The following ANK1 variants were observed in gnomAD, a reference collection of about 807,000 sequenced individuals.
ANK1 encodes the protein ankyrin-1.
In ANK1, 51 loss-of-function variants were observed where a neutral mutation model predicts 210.4. The observed-to-expected ratio is 0.24, with a 90% CI of 0.19 to 0.31. ANK1 has a LOEUF of 0.31. Among genes scored for constraint, ANK1 ranks in the 10% least tolerant of loss-of-function variants. The pLI is 1.00. For missense variants in ANK1, 2,051 were observed against 2,504.4 expected (o/e 0.82, Z 3.86); for synonymous variants, 967 against 1,025.9 (o/e 0.94, Z 1.10).
chr8:41,856,874 C>CTTTTTTTT lies in ANK1; in HGVS notation c.126+39473_126+39480dup, dbSNP rs35341809. Among the ~76,000 whole-genome samples, 35 of 95,272 alleles carry CTTTTTTTT rather than the reference C, an allele frequency of 3.7e-4. 1 individual carries two copies. The highest frequency in any genetic ancestry group is 1.6e-3 in the African/African-American group (34 of 20,834). 62.5% of individuals were successfully genotyped at this position (95,272 alleles called of 152,430 possible). Reference sequence around the variant, plus strand: ...TTTCGCCTTGGTGCTTAACAGCCCTCTTTTTTTTTTTTTTTTTTTTTTTTT... The same window carrying CTTTTTTTT: ...TTTCGCCTTGGTGCTTAACAGCCCTCTTTTTTTTTTTTTTTTTTTTTTTTTTTTTTTTT... On this transcript the variant is annotated intron_variant, in intron 1 of 42. Coordinates refer to the ANK1 transcript ENST00000265709.
At chr8:41,752,119 G>T (rs1586699688) in intron 2 of ANK1, among the ~76,000 whole-genome samples, 1 of 152,072 alleles carries the variant, frequency 6.6e-6, no homozygotes, top group African/African-American at 2.4e-5. Flanking sequence ...TCCCTAGAGA[G>T]CCCTCCCAAC....
At chr8:41,787,719 G>T (rs1846707231) in intron 1 of ANK1, among the ~76,000 whole-genome samples, 1 of 152,176 alleles carries the variant, frequency 6.6e-6, no homozygotes, top group African/African-American at 2.4e-5. Flanking sequence ...CCCAGCTGAG[G>T]TAGGAGGATA....
intron 1 of ANK1, among the ~76,000 whole-genome samples, chr8:41,890,722 A>AAG (rs1819271396): frequency 6.6e-6 from 1 of 151,464 alleles, no homozygotes; most frequent in South Asian, 2.1e-4. Flanking sequence ...AAAAAAAAAA[A>AAG]AAAGAAAAAA....
chr8:41,775,333 G>A (rs1843788397), intron 1 of ANK1, among the ~76,000 whole-genome samples: 1 of 152,238 alleles, frequency 6.6e-6, no homozygotes, highest in African/African-American at 2.4e-5. Context: ...GTGGCCCATT[G>A]CCAGCCAGAG....
In ANK1 at chr8:41,796,975, C is replaced by T. The variant is rs142908631; in HGVS notation, c.27+537G>A. 2.6e-3 allele frequency among the ~76,000 whole-genome samples: 401 copies of T among 152,288 alleles called. 2 individuals are homozygous for T. The highest frequency in any genetic ancestry group is 9.1e-3 in the African/African-American group (380 of 41,562). On this transcript the variant is annotated intron_variant, in intron 1 of 42. Transcript: ENST00000289734. ...TCCCTTCCTTCGTAGACATATTTCT[C>T]TCCATGAATTAACAACATAAATTAA... is the stretch of plus-strand genomic sequence containing the variant.
chr8:41,842,093 G>A (rs1809025202), intron 1 of ANK1, among the ~76,000 whole-genome samples: 1 of 152,236 alleles, frequency 6.6e-6, no homozygotes, highest in Non-Finnish European at 1.5e-5. Context: ...TGCTCTGACT[G>A]TGACCCAGGC....
intron 1 of ANK1, among the ~76,000 whole-genome samples, chr8:41,788,302 G>A (rs1026517144): frequency 6.6e-6 from 1 of 152,176 alleles, no homozygotes; most frequent in Non-Finnish European, 1.5e-5. Context: ...GAGAACACAA[G>A]TGAACAAGAA....
rs143133180 is a variant in ANK1 at position 41,738,258 on chromosome 8, C to T, written c.130-4189G>A. On this transcript the variant is annotated intron_variant, in intron 2 of 42. Coordinates refer to ENST00000289734, the MANE Select transcript of ANK1 (RefSeq NM_000037.4). ...TGCTCCCAGCTCTCTCAGCAAGTGC[C>T]CTCCTCTTCCTTTCCCAAAGCATTT... Among the ~76,000 whole-genome samples, 100 of 152,272 alleles carry T rather than the reference C, an allele frequency of 6.6e-4. No individual in the cohort carries two copies. In the East Asian group the frequency reaches 0.018, roughly 28 times the overall value.
intron 37 of ANK1, among the ~76,000 whole-genome samples, chr8:41,683,204 G>A (rs577321925): frequency 5.4e-4 from 82 of 152,336 alleles, no homozygotes; most frequent in African/African-American, 1.6e-3. Context: ...GGACGTGGCC[G>A]GCTCTGCGCC....
intron 1 of ANK1, among the ~76,000 whole-genome samples, chr8:41,780,136 G>C (rs1030717189): frequency 3.3e-5 from 5 of 152,174 alleles, no homozygotes; most frequent in Admixed American, 2.0e-4. Flanking sequence ...AGTCCTCCCA[G>C]GGCCTCCCTA....
intron 1 of ANK1, among the ~76,000 whole-genome samples, chr8:41,834,268 A>G (rs987788827): frequency 6.6e-6 from 1 of 152,242 alleles, no homozygotes; most frequent in Non-Finnish European, 1.5e-5. Context: ...AAGCAGGGGT[A>G]GGATTGAGAA....
At chr8:41,712,518 A>C (rs1237829072) in intron 16 of ANK1, among the ~76,000 whole-genome samples, 1 of 152,226 alleles carries the variant, frequency 6.6e-6, no homozygotes, top group African/African-American at 2.4e-5. Flanking sequence ...TCTGCAGGTG[A>C]CAAGGACAAG....
intron 20 of ANK1, among the ~76,000 whole-genome samples, chr8:41,703,450 A>ATATATATTTTT (rs59985416): frequency 5.1e-5 from 3 of 58,818 alleles, no homozygotes; most frequent in African/African-American, 2.7e-4. Context: ...ATATATATAT[A>ATATATATTTTT]TTTTTTTTTT....
chr8:41,695,458 C>A (rs1820622047), intron 26 of ANK1, 127 bp from the exon 27 acceptor site: 4 of 1,340,522 alleles, frequency 3.0e-6, no homozygotes, highest in Non-Finnish European at 4.2e-6. Flanking sequence ...GAGGCCCCAC[C>A]TGCAGGCAGG....
At chr8:41,851,294 G>A (rs770506264) in intron 1 of ANK1, among the ~76,000 whole-genome samples, 4 of 152,190 alleles carry the variant, frequency 2.6e-5, no homozygotes, top group Admixed American at 6.5e-5. Flanking sequence ...AAGCTTCCCC[G>A]AGGATGGCAG....
intron 36 of ANK1, among the ~76,000 whole-genome samples, chr8:41,685,615 A>G (rs1028339654): frequency 3.3e-5 from 5 of 151,300 alleles, no homozygotes; most frequent in African/African-American, 9.7e-5. Flanking sequence ...AGATGTTGTC[A>G]TCTAGGAGTC....
upstream of ANK1, among the ~76,000 whole-genome samples, chr8:41,800,516 A>G (rs900636488): frequency 1.3e-5 from 2 of 152,186 alleles, no homozygotes; most frequent in African/African-American, 2.4e-5. Flanking sequence ...CCCATCTGGA[A>G]GGCAACAAAA....
chr8:41,858,826 G>T (rs774130702), intron 1 of ANK1, among the ~76,000 whole-genome samples: 2 of 152,242 alleles, frequency 1.3e-5, no homozygotes, highest in East Asian at 1.9e-4. Flanking sequence ...AGGGTGACTG[G>T]CAGGGAGCTT....
chr8:41,791,316 C>A (rs779154195), intron 1 of ANK1, among the ~76,000 whole-genome samples: 1 of 149,856 alleles, frequency 6.7e-6, no homozygotes, highest in Non-Finnish European at 1.5e-5. Context: ...GGATTACAGG[C>A]GCCTACCACC....
Sources: allele counts gnomAD v4.1 joint callset (sites outside exome capture counted in the v4.1 genomes callset), GRCh38; gene constraint gnomAD v4.1.1; transcripts MANE v1.5; gene names NCBI Gene and HGNC (gene_info 2026-07-23, HGNC 2026-07-21).